The following NPHP3 variants were observed in gnomAD, a reference collection of about 807,000 sequenced individuals.
NPHP3 encodes the protein nephrocystin 3, also known as nephrocystin-3.
Under a neutral mutation model 171.9 loss-of-function variants are expected in NPHP3, and 123 were observed. The observed-to-expected ratio is 0.72, with a 90% CI of 0.62 to 0.83. The LOEUF (loss-of-function observed/expected upper bound fraction) is 0.83. Among genes scored for constraint, NPHP3 ranks in the 40% least tolerant of loss-of-function variants. The probability of loss-of-function intolerance (pLI) is 0.00; values close to 1 mark genes in which losing one functional copy is unlikely to be tolerated. For missense variants in NPHP3, 1,506 were observed against 1,591.9 expected (o/e 0.95, Z 0.92); for synonymous variants, 558 against 579.2 (o/e 0.96, Z 0.52).
At chr3:132,683,287 T>C in intron 25 of NPHP3, 112 bp downstream of exon 25, 1 of 997,302 alleles carries the variant, frequency 1.0e-6, no homozygotes, top group Non-Finnish European at 1.6e-6. Flanking sequence ...GTATTAGAAA[T>C]ATCCTTAAAT....
intron 6 of NPHP3, among the ~76,000 whole-genome samples, chr3:132,709,685 G>T (rs1267789132): frequency 2.6e-5 from 4 of 152,058 alleles, no homozygotes; most frequent in Non-Finnish European, 5.9e-5. Context: ...TGTTTTTGTG[G>T]GGGGTGTGTG....
chr3:132,687,835 G>C (rs1939200775), intron 21 of NPHP3, among the ~76,000 whole-genome samples: 1 of 152,212 alleles, frequency 6.6e-6, no homozygotes, highest in Non-Finnish European at 1.5e-5. Flanking sequence ...ACCAGAGATT[G>C]GCTTTTTCTA....
chr3:132,701,887 G>C (rs910979277), intron 9 of NPHP3, among the ~76,000 whole-genome samples: 10 of 152,120 alleles, frequency 6.6e-5, no homozygotes, highest in Admixed American at 4.6e-4. Context: ...TTAGCCGAGC[G>C]TGGTGGCGGG....
At chr3:132,718,537 A>G (rs111261360) in intron 3 of NPHP3, among the ~76,000 whole-genome samples, 1,773 of 152,338 alleles carry the variant, frequency 0.012, 40 homozygotes, top group African/African-American at 0.039. Context: ...CTTCAGTAAC[A>G]GAACACTACA....
intron 13 of NPHP3, among the ~76,000 whole-genome samples, chr3:132,698,241 A>C (rs1312079124): frequency 1.3e-5 from 2 of 151,722 alleles, no homozygotes; most frequent in Non-Finnish European, 2.9e-5. Flanking sequence ...GGCCTCCCAA[A>C]GTGTTGGGAT....
intron 8 of NPHP3, among the ~76,000 whole-genome samples, chr3:132,704,778 T>C (rs1248643442): frequency 6.6e-6 from 1 of 152,210 alleles, no homozygotes; most frequent in Non-Finnish European, 1.5e-5. Context: ...TGTGGTCATA[T>C]TCAGTTTTTA....
chr3:132,696,176 G>A (rs1290353941), intron 15 of NPHP3, among the ~76,000 whole-genome samples: 2 of 151,556 alleles, frequency 1.3e-5, no homozygotes, highest in Non-Finnish European at 2.9e-5. Flanking sequence ...CTATACTGAA[G>A]AAGAAATAAA....
chr3:132,719,905 T>C (rs199573209), intron 1 of NPHP3, 75 bp from the exon 2 acceptor site: 13 of 147,096 alleles, frequency 8.8e-5, no homozygotes, highest in African/African-American at 1.3e-4. Context: ...TATATATACA[T>C]ATATATATAT....
Position 132,688,780 on chromosome 3 carries a change from T to C in NPHP3, c.2995A>G (p.Lys999Glu), listed in dbSNP as rs559425353. 4.5e-5 allele frequency: 72 copies of C among 1,614,124 alleles called. No homozygotes were observed. The South Asian group carries it at 7.0e-4, about 16-fold the overall frequency. The change falls in exon 21 of 27, where the codon AAG becomes GAG. Residue 999 changes from lysine to glutamate, a missense_variant. Lys to Glu is a moderately conservative substitution (Grantham distance 56). Transcript: ENST00000337331. The stretch of plus-strand genomic sequence containing the variant: ...AGTTGTTCTGCATTGCCAAACTTCT[T>C]CCACTGCACGTATACACTTGCTAGT... Reference protein sequence around the residue: ...HQLASVYVQWKKFGNAEQLYK... With the variant: ...HQLASVYVQWEKFGNAEQLYK...
rs1407250672 is a variant in NPHP3, at chr3:132,719,097, G to A, written c.567C>T (p.Ala189=). 19 of 1,613,412 alleles carry A rather than the reference G, an allele frequency of 1.2e-5. No homozygotes were observed. The highest frequency in any genetic ancestry group is 1.6e-5 in the Non-Finnish European group (19 of 1,179,660). The change falls in exon 3 of 27, where the codon GCC becomes GCT. Residue 189 remains alanine (A), a synonymous_variant. Transcript: ENST00000337331. Reference sequence around the variant, plus strand: ...GAAGTTTGCTCTCCAACTCCCTCTTGGCCCTCAGTAAGTCCTGAATTTCAT... The same window carrying A: ...GAAGTTTGCTCTCCAACTCCCTCTTAGCCCTCAGTAAGTCCTGAATTTCAT... ...KENEIQDLLR[A]KRELESKLQR... is the part of the protein sequence containing the mutation.
intron 23 of NPHP3, 158 bp from the exon 24 acceptor site, chr3:132,684,952 C>T: frequency 1.3e-6 from 1 of 782,750 alleles, no homozygotes; most frequent in Non-Finnish European, 2.1e-6. Flanking sequence ...CTTCCCCACC[C>T]CTATCTCTTC....
At chr3:132,698,272 C>T (rs921719788) in intron 13 of NPHP3, among the ~76,000 whole-genome samples, 1 of 151,990 alleles carries the variant, frequency 6.6e-6, no homozygotes, top group African/African-American at 2.4e-5. Flanking sequence ...AGCCACTGCG[C>T]CCAGCCATTT....
Position 132,692,744 on chromosome 3 carries a change from G to A in NPHP3, c.2385C>T (p.Ser795=). The A allele has an allele frequency of 6.2e-7, 1 of 1,613,814 alleles. No homozygotes were observed. Among genetic ancestry groups the A allele is most frequent in the Non-Finnish European group, 8.5e-7 (1 of 1,179,770 alleles). ...GAATAAGGGAGGTCAAGAAAGTCCA[G>A]GACATCTCAGGATAGAGTTCCATCA... ...SELMELYPEM[S]WTFLTSLIHS... is the part of the protein sequence containing the mutation. The change falls in exon 17 of 27, where the codon TCC becomes TCT. Residue 795 remains serine, a synonymous_variant. Transcript: ENST00000337331.
intron 4 of NPHP3, among the ~76,000 whole-genome samples, chr3:132,716,042 A>C (rs542522765): frequency 2.0e-4 from 31 of 152,366 alleles, no homozygotes; most frequent in Non-Finnish European, 4.3e-4. Context: ...TTTGCAGCCC[A>C]ACACAACATT....
chr3:132,686,132 T>A, intron 23 of NPHP3, 128 bp downstream of exon 23: 3 of 902,320 alleles, frequency 3.3e-6, no homozygotes, highest in Non-Finnish European at 5.5e-6. Context: ...TTATATAACA[T>A]CATACATGAA....
intron 16 of NPHP3, among the ~76,000 whole-genome samples, chr3:132,694,395 A>G (rs966007898): frequency 2.0e-5 from 3 of 151,184 alleles, no homozygotes; most frequent in Admixed American, 6.6e-5. Context: ...ACACACACAC[A>G]TATATATATG....
At chr3:132,701,631 G>A in intron 9 of NPHP3, 98 bp from the exon 10 acceptor site, 1 of 815,156 alleles carries the variant, frequency 1.2e-6, no homozygotes, top group Non-Finnish European at 2.1e-6. Context: ...CTGGAGAAAA[G>A]CTGTGTGAGA....
chr3:132,719,350 G>A (rs1446320947), intron 2 of NPHP3, among the ~76,000 whole-genome samples: 1 of 152,110 alleles, frequency 6.6e-6, no homozygotes, highest in Non-Finnish European at 1.5e-5. Flanking sequence ...CGTGTCTGTG[G>A]TGTGGGTCTG....
chr3:132,687,109 C>T, intron 22 of NPHP3, 42 bp downstream of exon 22: 1 of 991,150 alleles, frequency 1.0e-6, no homozygotes. Context: ...TGCTCTTTTC[C>T]TCTTACGTTC....
Sources: allele counts gnomAD v4.1 joint callset (sites outside exome capture counted in the v4.1 genomes callset), GRCh38; gene constraint gnomAD v4.1.1; transcripts MANE v1.5; gene names NCBI Gene and HGNC (gene_info 2026-07-23, HGNC 2026-07-21).